CHD9: variants seen among roughly 807,000 people sequenced by gnomAD.
CHD9 encodes the protein chromodomain helicase DNA binding protein 9.
CHD9 carries 77 observed loss-of-function variants against 316.1 expected under a neutral mutation model. The ratio of observed to expected loss-of-function variants is 0.24; its 90% CI spans 0.20 to 0.29. CHD9 has a LOEUF of 0.29. CHD9 is among the 10% of genes least tolerant of loss of function. The pLI, the probability that CHD9 is intolerant of heterozygous loss-of-function variation, is 1.00. For synonymous variants in CHD9, 1,129 were observed against 1,158.3 expected (o/e 0.97, Z 0.51); for missense variants, 2,763 against 3,438.1 (o/e 0.80, Z 4.91).
chr16:53,154,655 T>C (rs1420406759), intron 1 of CHD9, among the ~76,000 whole-genome samples: 2 of 152,196 alleles, frequency 1.3e-5, no homozygotes, highest in East Asian at 1.9e-4. Flanking sequence ...CACTTACATA[T>C]GCAGTTCACG....
intron 1 of CHD9, among the ~76,000 whole-genome samples, chr16:53,131,591 G>A (rs1353878027): frequency 1.3e-5 from 2 of 151,464 alleles, no homozygotes; most frequent in Non-Finnish European, 3.0e-5. Flanking sequence ...TCGTGTGGAG[G>A]TGAGGGCCGG....
At position 53,227,544 on chromosome 16, in the gene CHD9, T is replaced by G. The variant is rs1020611009; in HGVS notation, c.2113-4T>G. 1 of 1,469,218 alleles carries G rather than the reference T, an allele frequency of 6.8e-7. No homozygotes were observed. The highest frequency in any genetic ancestry group is 1.4e-5 in the African/African-American group (1 of 70,386). 91.0% of individuals were successfully genotyped at this position (1,469,218 alleles called of 1,614,324 possible). On this transcript the variant is annotated splice_region_variant and splice_polypyrimidine_tract_variant and intron_variant, in intron 6 of 38. Transcript: ENST00000447540. Reference sequence around the variant, plus strand: ...AGTCACCATTACTGATTTTCTTTTCTTAGATATCACCTGGAGTGATGATTG... The same window carrying G: ...AGTCACCATTACTGATTTTCTTTTCGTAGATATCACCTGGAGTGATGATTG...
chr16:53,132,630 G>A (rs1865068837), intron 1 of CHD9, among the ~76,000 whole-genome samples: 1 of 152,080 alleles, frequency 6.6e-6, no homozygotes, highest in African/African-American at 2.4e-5. Context: ...CTTTTCCCTT[G>A]GGTTTACAGA....
chr16:53,234,543 T>C (rs1423509200), intron 10 of CHD9, among the ~76,000 whole-genome samples: 1 of 141,610 alleles, frequency 7.1e-6, no homozygotes, highest in Non-Finnish European at 1.6e-5. Flanking sequence ...GAGTGGATGT[T>C]AAATTTCTCA....
chr16:53,233,263 C>A (rs1471359585), intron 10 of CHD9, among the ~76,000 whole-genome samples: 2 of 152,146 alleles, frequency 1.3e-5, no homozygotes, highest in Admixed American at 1.3e-4. Context: ...GCTAGAGCAG[C>A]TCACAGCACT....
In CHD9 at chr16:53,245,255, T is replaced by A; in HGVS notation, c.3055-81T>A. On this transcript the variant is annotated intron_variant, in intron 13 of 38. Coordinates refer to ENST00000447540, the MANE Select transcript of CHD9 (RefSeq NM_001308319.2). This position sits in a 1 kb window ranked among gnomAD's most constrained non-coding sequence, Gnocchi z 4.1. ...TATAGTCAGAAAAATATTTGCATAT[T>A]GATCATTCGATAATCTAAGTCAGCT... 4.8e-6 allele frequency: 5 copies of A among 1,044,178 alleles called. No individual in the cohort carries two copies. The highest frequency in any genetic ancestry group is 6.7e-6 in the Non-Finnish European group (5 of 751,766). The allele number at this position is 1,044,178 out of a possible 1,614,324, so 64.7% of individuals were successfully genotyped here. A position where few individuals can be genotyped will look rare whatever the true frequency, so the allele number is the denominator to read the frequency against.
At chr16:53,067,606 T>C (rs2033638824) in intron 1 of CHD9, among the ~76,000 whole-genome samples, 1 of 152,154 alleles carries the variant, frequency 6.6e-6, no homozygotes, top group African/African-American at 2.4e-5. Flanking sequence ...TGTAAAATAC[T>C]CCTCTACTGG....
chr16:53,289,467 C>A (rs1405658919), intron 27 of CHD9, among the ~76,000 whole-genome samples: 1 of 152,048 alleles, frequency 6.6e-6, no homozygotes, highest in Non-Finnish European at 1.5e-5. Flanking sequence ...GTTAAACATT[C>A]TCCTGGAAAA....
intron 1 of CHD9, among the ~76,000 whole-genome samples, chr16:53,146,676 G>C (rs558287634): frequency 1.3e-5 from 2 of 151,016 alleles, no homozygotes; most frequent in South Asian, 4.2e-4. Flanking sequence ...ACACATGCCT[G>C]TAATCCCAGC....
chr16:53,141,480 T>C (rs906298150), intron 1 of CHD9, among the ~76,000 whole-genome samples: 5 of 152,242 alleles, frequency 3.3e-5, no homozygotes, highest in Non-Finnish European at 5.9e-5. Flanking sequence ...ATTTTAACTC[T>C]TTTTTAAGTG....
intron 1 of CHD9, among the ~76,000 whole-genome samples, chr16:53,067,006 G>A (rs1246555363): frequency 6.6e-6 from 1 of 152,154 alleles, no homozygotes; most frequent in African/African-American, 2.4e-5. Flanking sequence ...GCAATGGTGC[G>A]ATCTTGGCTC....
chr16:53,312,780 CTG>C (rs747907474), intron 34 of CHD9, among the ~76,000 whole-genome samples: 1 of 152,066 alleles, frequency 6.6e-6, no homozygotes, highest in Admixed American at 6.6e-5. Flanking sequence ...CTTTTTGAAA[CTG>C]AGATGGGAGG....
rs1166090941 is a variant in CHD9, at chr16:53,247,325, G to C, written c.3487G>C (p.Asp1163His). ...GGAGAAAATACTTGGAGAATTTAGAGATACTTACAATCCAGCTGCTTCTGA... is the reference window on the plus strand; with the variant it reads ...GGAGAAAATACTTGGAGAATTTAGACATACTTACAATCCAGCTGCTTCTGA... ...AEEKILGEFR[D>H]TYNPAASDFH... The change falls in exon 16 of 39, where the codon GAT (aspartate) becomes CAT (histidine). Residue 1163 changes from aspartate to histidine, a missense_variant. Physicochemically the swap from Asp to His is moderately conservative, Grantham distance 81 (BLOSUM62 -1). This residue lies in a region of CHD9 where 155 missense variants were observed against 291.8 expected (regional missense o/e 0.53). Coordinates refer to ENST00000447540, the MANE Select transcript of CHD9 (RefSeq NM_001308319.2). The C allele has an allele frequency of 6.2e-7, 1 of 1,603,800 alleles. No individual in the cohort carries two copies. The highest frequency in any genetic ancestry group is 8.5e-7 in the Non-Finnish European group (1 of 1,174,468).
chr16:53,128,243 C>T (rs896208802), intron 1 of CHD9, among the ~76,000 whole-genome samples: 6 of 151,954 alleles, frequency 3.9e-5, no homozygotes, highest in East Asian at 1.9e-4. Flanking sequence ...AGTGCAATGG[C>T]GCCATCTCAA....
intron 1 of CHD9, among the ~76,000 whole-genome samples, chr16:53,100,470 T>TTTTTTTTTA (rs55752349): frequency 6.8e-6 from 1 of 148,128 alleles, no homozygotes; most frequent in Non-Finnish European, 1.5e-5. Context: ...TTTTTTTTTT[T>TTTTTTTTTA]CCAAAAGACA....
At chr16:53,203,846 A>AC (rs773750285) in intron 2 of CHD9, among the ~76,000 whole-genome samples, 28 of 151,516 alleles carry the variant, frequency 1.8e-4, no homozygotes, top group Non-Finnish European at 3.1e-4. Context: ...ACATGGTGAA[A>AC]CCCCGTCTCT....
At chr16:53,303,182 GTTT>G (rs375440655) in intron 30 of CHD9, among the ~76,000 whole-genome samples, 2 of 133,888 alleles carry the variant, frequency 1.5e-5, no homozygotes, top group Non-Finnish European at 3.2e-5. Flanking sequence ...AATATTATGA[GTTT>G]TTTTTTTTTT....
intron 19 of CHD9, among the ~76,000 whole-genome samples, chr16:53,259,182 T>A (rs2050863444): frequency 1.3e-5 from 2 of 152,334 alleles, no homozygotes; most frequent in South Asian, 2.1e-4. Flanking sequence ...TCATGTAAGC[T>A]ATCTTGTAAA....
chr16:53,318,818 ACT>A (rs1028026435), intron 37 of CHD9, among the ~76,000 whole-genome samples: 2 of 152,190 alleles, frequency 1.3e-5, no homozygotes, highest in Non-Finnish European at 2.9e-5. Context: ...AGGTTGAGAA[ACT>A]CTGATCTAAG....
Sources: gnomAD v4.1 joint callset for allele counts (sites outside exome capture counted in the v4.1 genomes callset) on GRCh38, gnomAD v4.1.1 for gene constraint, gnomAD v4.1.1 regional missense constraint, Gnocchi (gnomAD v3.1) non-coding constraint, MANE v1.5 for transcripts, NCBI Gene and HGNC (gene_info 2026-07-23, HGNC 2026-07-21) for gene names.